The following LRRK2 variants were observed in gnomAD, a reference collection of about 807,000 sequenced individuals.
LRRK2 encodes leucine-rich repeat serine/threonine-protein kinase 2.
Under a neutral mutation model 302.6 loss-of-function variants are expected in LRRK2, and 203 were observed. The observed-to-expected ratio is 0.67, with a 90% CI of 0.60 to 0.75. The LOEUF (loss-of-function observed/expected upper bound fraction) is 0.75. LRRK2 is among the 30% of genes least tolerant of loss of function. The probability of loss-of-function intolerance (pLI) is 0.00; values close to 1 mark genes in which losing one functional copy is unlikely to be tolerated. For synonymous variants in LRRK2, 1,066 were observed against 1,031.9 expected (o/e 1.03, Z -0.63); for missense variants, 2,830 against 2,951.0 (o/e 0.96, Z 0.95).
Position 40,346,909 on chromosome 12 carries a change from A to G in LRRK2, c.6266A>G (p.Gln2089Arg). 7.4e-6 allele frequency: 12 copies of G among 1,611,362 alleles called. No individual in the cohort carries two copies. Among genetic ancestry groups the G allele is most frequent in the Non-Finnish European group, 5.9e-6 (7 of 1,179,316 alleles). Residue 2089 changes from glutamine to arginine, a missense_variant, in exon 42 of 51, where the codon CAA becomes CGA. Coordinates refer to ENST00000298910, the MANE Select transcript of LRRK2 (RefSeq NM_198578.4). Reference sequence around the variant, plus strand: ...AATGAGTTTGATGAATTAGAAATACAAGGAAAATTACCTGGTAAGTTCTGT... The same window carrying G: ...AATGAGTTTGATGAATTAGAAATACGAGGAAAATTACCTGGTAAGTTCTGT... ...FPNEFDELEI[Q>R]GKLPDPVKEY...
intron 47 of LRRK2, among the ~76,000 whole-genome samples, 188 bp downstream of exon 47, chr12:40,359,632 A>G (rs536742752): frequency 9.9e-4 from 151 of 152,286 alleles, no homozygotes; most frequent in Non-Finnish European, 1.5e-3. Context: ...GGTATTTTTA[A>G]GAAGTCACTC....
chr12:40,350,584 C>T (rs1471769671), intron 43 of LRRK2, among the ~76,000 whole-genome samples: 1 of 152,064 alleles, frequency 6.6e-6, no homozygotes, highest in Non-Finnish European at 1.5e-5. Context: ...GTTGTGAGCT[C>T]TTGATTTGGT....
intron 39 of LRRK2, among the ~76,000 whole-genome samples, 153 bp from the exon 40 acceptor site, chr12:40,334,814 C>T (rs188873651): frequency 7.9e-5 from 12 of 151,976 alleles, no homozygotes; most frequent in Middle Eastern, 3.4e-3. Context: ...ACTGAAAATA[C>T]GGGAAAAAAA....
In LRRK2 at chr12:40,287,356, G is replaced by A. The variant is rs1413180856; in HGVS notation, c.2506G>A (p.Ala836Thr). 1.9e-6 allele frequency: 3 copies of A among 1,611,228 alleles called. No homozygotes were observed. The Admixed American group carries it at 5.0e-5, about 27-fold the overall frequency. ...TSNLRKQTNI[A>T]STLARMVIRY... ...GGTGTATCTCTTATTTTCAGATATA[G>A]CATCTACACTAGCAAGAATGGTGAT... The change falls in exon 20 of 51, where the codon GCA becomes ACA. Residue 836 changes from alanine to threonine, a missense_variant. Physicochemically the swap from Ala to Thr is moderately conservative, Grantham distance 58. Around this residue, in one of 3 missense-constraint regions of LRRK2, gnomAD observed 2,121 missense variants for 2,148.0 expected, o/e 0.99. Transcript: ENST00000298910.
At chr12:40,303,495 A>G (rs576118627) in intron 26 of LRRK2, among the ~76,000 whole-genome samples, 8 of 152,162 alleles carry the variant, frequency 5.3e-5, no homozygotes, top group African/African-American at 1.9e-4. Context: ...TTCAAACACT[A>G]TGGCTTTTTA....
chr12:40,248,384 C>A (rs1592158022), intron 7 of LRRK2, among the ~76,000 whole-genome samples: 1 of 152,094 alleles, frequency 6.6e-6, no homozygotes, highest in East Asian at 1.9e-4. Flanking sequence ...TAAAACATGG[C>A]AACTGTCATG....
Position 40,321,052 on chromosome 12 carries a change from T to A in LRRK2, c.5034T>A (p.Pro1678=), listed in dbSNP as rs1464693889. ...LVPSSLSDHR[P]VIELPHCENS... ...CCTTTAGTTTGTCTGACCACAGGCC[T>A]GTGATAGAGCTTCCCCATTGTGAGA... Residue 1678 remains proline, a synonymous_variant, in exon 35 of 51, where the codon CCT becomes CCA. Coordinates refer to ENST00000298910, the MANE Select transcript of LRRK2 (RefSeq NM_198578.4). 1 of 1,612,662 alleles carries A rather than the reference T, an allele frequency of 6.2e-7. No homozygotes were observed. Among genetic ancestry groups the A allele is most frequent in the Non-Finnish European group, 8.5e-7 (1 of 1,178,974 alleles).
At chr12:40,286,114 G>T (rs1433883741) in intron 19 of LRRK2, among the ~76,000 whole-genome samples, 1 of 151,904 alleles carries the variant, frequency 6.6e-6, no homozygotes, top group African/African-American at 2.4e-5. Flanking sequence ...TCTGTCTGGA[G>T]TTTTTACCAT....
At chr12:40,265,635 G>A (rs978192303) in intron 14 of LRRK2, among the ~76,000 whole-genome samples, 1 of 152,164 alleles carries the variant, frequency 6.6e-6, no homozygotes, top group Non-Finnish European at 1.5e-5. Context: ...TGTCTCATAA[G>A]TATCTGAAAT....
intron 14 of LRRK2, among the ~76,000 whole-genome samples, chr12:40,273,034 C>T (rs1040990489): frequency 1.3e-5 from 2 of 152,132 alleles, no homozygotes; most frequent in Non-Finnish European, 1.5e-5. Flanking sequence ...AAGGTTTATT[C>T]CATGGACAGA....
intron 7 of LRRK2, among the ~76,000 whole-genome samples, chr12:40,246,932 A>G (rs1208226269): frequency 6.6e-6 from 1 of 152,144 alleles, no homozygotes. Flanking sequence ...TGTGAGGACA[A>G]CAATGCATTT....
At chr12:40,316,489 G>T (rs750696597) in intron 33 of LRRK2, 13 of 287,858 alleles carry the variant, frequency 4.5e-5, no homozygotes, top group Non-Finnish European at 6.8e-5. Context: ...TGATAATGGA[G>T]ACAGTAGTGT....
At chr12:40,230,274 A>G (rs1244328006) in intron 2 of LRRK2, among the ~76,000 whole-genome samples, 3 of 152,194 alleles carry the variant, frequency 2.0e-5, no homozygotes, top group Non-Finnish European at 4.4e-5. Flanking sequence ...AGAGATCTTG[A>G]GTAATCATTT....
intron 47 of LRRK2, among the ~76,000 whole-genome samples, chr12:40,363,184 A>G (rs529756959): frequency 7.2e-5 from 11 of 152,212 alleles, no homozygotes; most frequent in Non-Finnish European, 1.2e-4. Flanking sequence ...ATCACAAGAA[A>G]TTAATATAAA....
intron 42 of LRRK2, among the ~76,000 whole-genome samples, chr12:40,348,201 CAT>C (rs1491184464): frequency 2.7e-5 from 3 of 112,468 alleles, no homozygotes; most frequent in East Asian, 4.9e-4. Flanking sequence ...CTTTTTATTC[CAT>C]AAAAAAAAAA....
intron 46 of LRRK2, among the ~76,000 whole-genome samples, chr12:40,358,735 A>T (rs1946616322): frequency 6.6e-6 from 1 of 151,818 alleles, no homozygotes; most frequent in Admixed American, 6.6e-5. Context: ...AGTTTTAGAA[A>T]TTTTTTTTTC....
rs1295388361 is a variant in LRRK2, at chr12:40,235,514, G to A, written c.348-112G>A. 5.5e-6 allele frequency: 4 copies of A among 721,964 alleles called. No individual in the cohort carries two copies. In the East Asian group the frequency reaches 8.1e-5, roughly 15 times the overall value. The allele number at this position is 721,964 out of a possible 1,614,324, so 44.7% of individuals were successfully genotyped here. A position where few individuals can be genotyped will look rare whatever the true frequency, so the allele number is the denominator to read the frequency against. On this transcript the variant is annotated intron_variant, in intron 3 of 50. Transcript: ENST00000298910. The stretch of plus-strand genomic sequence containing the variant: ...CAAAAACACATGAGCTTCACTACAG[G>A]GAATTAAATACAATGAGAGTAATAA...
At chr12:40,262,334 T>C (rs753662915) in intron 13 of LRRK2, among the ~76,000 whole-genome samples, 9 of 152,138 alleles carry the variant, frequency 5.9e-5, no homozygotes, top group Admixed American at 6.6e-5. Context: ...GATATTATTA[T>C]TATTATTATT....
At chr12:40,265,615 A>G (rs1020233172) in intron 14 of LRRK2, among the ~76,000 whole-genome samples, 1 of 152,194 alleles carries the variant, frequency 6.6e-6, no homozygotes, top group Non-Finnish European at 1.5e-5. Context: ...ATGCTTGTTC[A>G]TATATCGCAT....
Sources: gnomAD v4.1 joint callset for allele counts (sites outside exome capture counted in the v4.1 genomes callset) on GRCh38, gnomAD v4.1.1 for gene constraint, gnomAD v4.1.1 regional missense constraint, MANE v1.5 for transcripts, NCBI Gene and HGNC (gene_info 2026-07-23, HGNC 2026-07-21) for gene names.